NPM1: variants seen among roughly 807,000 people sequenced by gnomAD.
NPM1 encodes nucleophosmin 1, also known as nucleophosmin.
Under a neutral mutation model 44.1 loss-of-function variants are expected in NPM1, and 1 was observed. The observed-to-expected ratio is 0.02, with a 90% CI of 0.01 to 0.11. NPM1 has a LOEUF of 0.11. Among genes scored for constraint, NPM1 ranks in the 10% least tolerant of loss-of-function variants. The probability of loss-of-function intolerance (pLI) is 1.00; values close to 1 mark genes in which losing one functional copy is unlikely to be tolerated. For synonymous variants in NPM1, 126 were observed against 111.8 expected, an observed-to-expected ratio of 1.13 and a Z score of -0.80; for missense variants, 197 against 347.8, an observed-to-expected ratio of 0.57 and a Z score of 3.45.
chr5:171,407,660 A>G (rs1247402130), intron 9 of NPM1, 40 bp from the exon 10 acceptor site: 2 of 1,140,614 alleles, frequency 1.8e-6, no homozygotes, highest in Non-Finnish European at 2.7e-6. Context: ...CTCTCGGTGT[A>G]TTTCTCTACT....
intron 8 of NPM1, 26 bp from the exon 9 acceptor site, chr5:171,405,276 C>G (rs964309354): frequency 8.6e-7 from 1 of 1,157,546 alleles, no homozygotes. Flanking sequence ...TTCTTATGAC[C>G]TTTTGGAAAT....
At chr5:171,400,259 T>G in intron 7 of NPM1, 49 bp downstream of exon 7, 2 of 1,609,976 alleles carry the variant, frequency 1.2e-6, no homozygotes, top group Non-Finnish European at 1.7e-6. Context: ...ATAGAAATGG[T>G]GATTTTTTAG....
chr5:171,390,208 T>G, intron 2 of NPM1, 78 bp downstream of exon 2: 1 of 770,888 alleles, frequency 1.3e-6, no homozygotes. Flanking sequence ...GGCTTGAGAC[T>G]TTTTTTCCTT....
intron 8 of NPM1, among the ~76,000 whole-genome samples, chr5:171,402,944 AG>A (rs1771293624): frequency 8.8e-6 from 1 of 114,146 alleles, no homozygotes; most frequent in Non-Finnish European, 1.8e-5. Flanking sequence ...ACCCAATCTC[AG>A]GTAGTTCTTT....
intron 10 of NPM1, among the ~76,000 whole-genome samples, chr5:171,408,554 C>T (rs1444798695): frequency 3.3e-5 from 5 of 151,906 alleles, no homozygotes; most frequent in Admixed American, 2.0e-4. Context: ...TTTTAGTTTT[C>T]GGGTTCGTAA....
chr5:171,399,225 T>C (rs546646064), intron 6 of NPM1, among the ~76,000 whole-genome samples: 3 of 152,130 alleles, frequency 2.0e-5, no homozygotes, highest in Admixed American at 6.5e-5. Flanking sequence ...CCAGATTGCA[T>C]TTGGCCTCTT....
At chr5:171,400,041 A>G in intron 6 of NPM1, 112 bp from the exon 7 acceptor site, 1 of 694,120 alleles carries the variant, frequency 1.4e-6, no homozygotes, top group South Asian at 1.7e-5. Flanking sequence ...TGTTGTGAAC[A>G]ATGCTTCGAT....
intron 3 of NPM1, 24 bp downstream of exon 3, chr5:171,391,448 ATGT>A (rs781469321): frequency 6.2e-7 from 1 of 1,604,158 alleles, no homozygotes; most frequent in Non-Finnish European, 8.5e-7. Context: ...CATACTTTGG[ATGT>A]TGTGTCAAGG....
At chr5:171,388,359 T>C (rs1204912673) in intron 1 of NPM1, among the ~76,000 whole-genome samples, 11 of 152,136 alleles carry the variant, frequency 7.2e-5, no homozygotes. Context: ...CGGTGGTTCA[T>C]AGGCTTCTGA....
At chr5:171,394,041 C>CTTTTTTTT (rs144186175) in intron 6 of NPM1, among the ~76,000 whole-genome samples, 2 of 97,080 alleles carry the variant, frequency 2.1e-5, no homozygotes, top group Non-Finnish European at 4.1e-5. Context: ...TTTTTGTTTT[C>CTTTTTTTT]TTTTTTTTTT....
chr5:171,389,752 A>C (rs1770475650), intron 1 of NPM1, among the ~76,000 whole-genome samples: 1 of 152,232 alleles, frequency 6.6e-6, no homozygotes, highest in Non-Finnish European at 1.5e-5. Context: ...GGTTTCAGAT[A>C]ATTGCTTCAG....
chr5:171,396,607 T>C lies in NPM1; in HGVS notation c.525-3546T>C, dbSNP rs569766620. The stretch of plus-strand genomic sequence containing the variant: ...ATTTAGAGACCAGTACGTTCAGTTG[T>C]TGAATTAAACGTGAACCCCTTGGTA... On this transcript the variant is annotated intron_variant, in intron 6 of 10. Coordinates refer to ENST00000296930, the MANE Select transcript of NPM1 (RefSeq NM_002520.7). Among the ~76,000 whole-genome samples the C allele has an allele frequency of 3.3e-5, 5 of 152,346 alleles. No homozygotes were observed. In the South Asian group the frequency reaches 1.0e-3, roughly 32 times the overall value.
Position 171,405,746 on chromosome 5 carries a change from T to G in NPM1, c.771+343T>G, listed in dbSNP as rs539018634. 7 of 244,258 alleles carry G rather than the reference T, an allele frequency of 2.9e-5. No homozygotes were observed. In the Admixed American group the frequency reaches 3.9e-4, roughly 14 times the overall value. The allele number at this position is 244,258 out of a possible 1,614,324, so 15.1% of individuals were successfully genotyped here. A position where few individuals can be genotyped will look rare whatever the true frequency, so the allele number is the denominator to read the frequency against. On this transcript the variant is annotated intron_variant, in intron 9 of 10. Transcript: ENST00000296930. The stretch of plus-strand genomic sequence containing the variant: ...TGCTAGAGAACCAACAGAGGGCGTA[T>G]GAGACTTCATTAAAATTACAAACAG...
chr5:171,388,793 C>G (rs895696304), intron 1 of NPM1, among the ~76,000 whole-genome samples: 1 of 152,230 alleles, frequency 6.6e-6, no homozygotes, highest in African/African-American at 2.4e-5. Context: ...TTCTGTCTCA[C>G]TGCGGTAGGT....
intron 1 of NPM1, 95 bp downstream of exon 1, chr5:171,388,101 G>C (rs1476125050): frequency 9.1e-7 from 1 of 1,104,970 alleles, no homozygotes; most frequent in Non-Finnish European, 1.3e-6. Context: ...ACCGGGTCTG[G>C]TGGAGACCGC....
chr5:171,402,896 G>C (rs1581253433), intron 8 of NPM1, among the ~76,000 whole-genome samples: 2 of 146,446 alleles, frequency 1.4e-5, no homozygotes, highest in African/African-American at 2.5e-5. Flanking sequence ...ACAGCCTACA[G>C]CACTGTAAGT....
At chr5:171,406,354 C>T (rs373507647) in intron 9 of NPM1, 9 of 1,543,258 alleles carry the variant, frequency 5.8e-6, no homozygotes, top group African/African-American at 2.7e-5. Context: ...GATGCCCCTC[C>T]CCTCCATTTT....
chr5:171,398,659 T>G (rs980813766), intron 6 of NPM1, among the ~76,000 whole-genome samples: 4 of 152,096 alleles, frequency 2.6e-5, no homozygotes, highest in African/African-American at 9.7e-5. Flanking sequence ...TAGTCCCAGC[T>G]ACTCAGGAGG....
chr5:171,391,916 T>C (rs557170584), intron 4 of NPM1, 117 bp downstream of exon 4: 23 of 523,718 alleles, frequency 4.4e-5, no homozygotes, highest in Non-Finnish European at 7.7e-5. Flanking sequence ...TAGGTTCCAA[T>C]GTGAGTCTAG....
Sources: gnomAD v4.1 joint callset for allele counts (sites outside exome capture counted in the v4.1 genomes callset) on GRCh38, gnomAD v4.1.1 for gene constraint, MANE v1.5 for transcripts, NCBI Gene and HGNC (gene_info 2026-07-23, HGNC 2026-07-21) for gene names.